The following LRRC40 variants were observed in gnomAD, a reference collection of about 807,000 sequenced individuals.
The protein encoded by LRRC40 is leucine-rich repeat-containing protein 40.
In LRRC40, 76 loss-of-function variants were observed where a neutral mutation model predicts 72.8. The observed-to-expected ratio is 1.04, with a 90% confidence interval of 0.87 to 1.26. The LOEUF (loss-of-function observed/expected upper bound fraction) is 1.26, where lower values mean the gene tolerates loss of function less well. Among genes scored for constraint, LRRC40 ranks in the 50% most tolerant of loss-of-function variants. The probability of loss-of-function intolerance (pLI) is 0.00; values close to 1 mark genes in which losing one functional copy is unlikely to be tolerated. For missense variants in LRRC40, 684 were observed against 698.9 expected (o/e 0.98, Z 0.24); for synonymous variants, 243 against 254.2 (o/e 0.96, Z 0.42).
At chr1:70,171,152 G>A (rs1667991949) in intron 9 of LRRC40, among the ~76,000 whole-genome samples, 1 of 151,992 alleles carries the variant, frequency 6.6e-6, no homozygotes, top group Non-Finnish European at 1.5e-5. Flanking sequence ...GAATATCCAT[G>A]TACAAAACAA....
At chr1:70,180,031 A>G (rs1255547532) in intron 5 of LRRC40, 1 of 152,190 alleles carries the variant, frequency 6.6e-6, no homozygotes, top group East Asian at 1.9e-4. Context: ...AGGTTTTAAA[A>G]TTGAAGAAGG....
chr1:70,159,427 T>C lies in LRRC40; in HGVS notation c.1123A>G (p.Ser375Gly). The C allele has an allele frequency of 2.5e-6, 4 of 1,574,770 alleles. No individual in the cohort carries two copies. The highest frequency in any genetic ancestry group is 3.5e-6 in the Non-Finnish European group (4 of 1,150,350). The change falls in exon 10 of 15, where the codon AGC becomes GGC. Residue 375 changes from serine to glycine, a missense_variant. Transcript: ENST00000370952. ...LRSKIKDDGP[S>G]QSESATETAM... Reference sequence around the variant, plus strand: ...GTCTCAGTAGCAGACTCACTTTGGCTAGGTCCATCATCTGGCAAAAGAAAA... The same window carrying C: ...GTCTCAGTAGCAGACTCACTTTGGCCAGGTCCATCATCTGGCAAAAGAAAA...
chr1:70,148,754 C>G, intron 13 of LRRC40, 82 bp from the exon 14 acceptor site: 1 of 833,632 alleles, frequency 1.2e-6, no homozygotes, highest in Non-Finnish European at 1.8e-6. Flanking sequence ...TTAAATTTGA[C>G]ATGACAGTTT....
intron 9 of LRRC40, among the ~76,000 whole-genome samples, chr1:70,166,724 G>A (rs1571455202): frequency 6.6e-6 from 1 of 151,402 alleles, no homozygotes; most frequent in Non-Finnish European, 1.5e-5. Context: ...CTCAGGCTTT[G>A]AATATTTATA....
At chr1:70,147,548 T>C (rs1667338824) in intron 14 of LRRC40, among the ~76,000 whole-genome samples, 1 of 152,184 alleles carries the variant, frequency 6.6e-6, no homozygotes, top group African/African-American at 2.4e-5. Flanking sequence ...GCTGAAAATG[T>C]TGTGACTAGA....
At chr1:70,202,135 A>G (rs1668754167) in intron 1 of LRRC40, among the ~76,000 whole-genome samples, 1 of 152,216 alleles carries the variant, frequency 6.6e-6, no homozygotes, top group Non-Finnish European at 1.5e-5. Flanking sequence ...GTAGTCTGAC[A>G]GTTTCTTACA....
intron 1 of LRRC40, among the ~76,000 whole-genome samples, chr1:70,199,048 A>G (rs1195384798): frequency 6.6e-6 from 1 of 152,008 alleles, no homozygotes; most frequent in Non-Finnish European, 1.5e-5. Context: ...ACACTCAGGG[A>G]GCTGAGGTGG....
intron 4 of LRRC40, among the ~76,000 whole-genome samples, chr1:70,183,223 T>C (rs1210106586): frequency 6.6e-6 from 1 of 152,148 alleles, no homozygotes; most frequent in Non-Finnish European, 1.5e-5. Flanking sequence ...TTTCTTCCTT[T>C]AATGAAAAGC....
At chr1:70,187,733 A>AG (rs1668396187) in intron 2 of LRRC40, among the ~76,000 whole-genome samples, 1 of 152,008 alleles carries the variant, frequency 6.6e-6, no homozygotes, top group South Asian at 2.1e-4. Context: ...CAGAAGGCTG[A>AG]GGTGGGAAGA....
intron 1 of LRRC40, among the ~76,000 whole-genome samples, chr1:70,200,754 T>C (rs1668719529): frequency 6.6e-6 from 1 of 152,202 alleles, no homozygotes; most frequent in Admixed American, 6.5e-5. Flanking sequence ...CAAAATAGTT[T>C]CATATTTATC....
chr1:70,152,377 A>C, intron 12 of LRRC40, 56 bp downstream of exon 12: 1 of 909,462 alleles, frequency 1.1e-6, no homozygotes, highest in Admixed American at 2.1e-5. Flanking sequence ...AGTTAGACAA[A>C]ACTCAAAGAC....
chr1:70,198,162 C>G (rs1668658001), intron 1 of LRRC40, among the ~76,000 whole-genome samples: 1 of 152,118 alleles, frequency 6.6e-6, no homozygotes, highest in African/African-American at 2.4e-5. Context: ...ATTAGGTGCC[C>G]TAGACCAAAT....
At position 70,159,374 on chromosome 1, in the gene LRRC40, T is replaced by C; in HGVS notation, c.1176A>G (p.Arg392=). 6.3e-7 allele frequency: 1 copy of C among 1,590,920 alleles called. No homozygotes were observed. Among genetic ancestry groups the C allele is most frequent in the Non-Finnish European group, 8.6e-7 (1 of 1,163,220 alleles). ...ETAMTLPSES[R]VNIHAIITLK... ...ATGTAATGATGGCATGTATATTGAC[T>C]CTGGATTCACTTGGTAGTGTCATGG... The change falls in exon 10 of 15, where the codon AGA becomes AGG. Residue 392 remains arginine (R), a synonymous_variant. Coordinates refer to ENST00000370952, the MANE Select transcript of LRRC40 (RefSeq NM_017768.5).
intron 9 of LRRC40, among the ~76,000 whole-genome samples, chr1:70,164,758 G>A (rs1481278137): frequency 1.3e-5 from 2 of 152,084 alleles, no homozygotes; most frequent in African/African-American, 4.8e-5. Context: ...TGTAATGAGT[G>A]TAAGATTTGC....
In LRRC40 at chr1:70,173,693, C is replaced by A; in HGVS notation, c.994G>T (p.Gly332Trp). 6.5e-7 allele frequency: 1 copy of A among 1,541,760 alleles called. No individual in the cohort carries two copies. Residue 332 changes from glycine (G) to tryptophan (W), a missense_variant, in exon 8 of 15, where the codon GGG (glycine) becomes TGG (tryptophan). Physicochemically the swap from Gly to Trp is radical, Grantham distance 184. Transcript: ENST00000370952. ...NDISSLPYSL[G>W]NLHLKFLALE... is the part of the protein sequence containing the mutation. ...GCCAAAAATTTCAAATGAAGGTTCC[C>A]CAATGAATAGGGAAGACTATAAAAG...
At chr1:70,202,795 G>A (rs1343533098) in intron 1 of LRRC40, among the ~76,000 whole-genome samples, 1 of 152,180 alleles carries the variant, frequency 6.6e-6, no homozygotes, top group Non-Finnish European at 1.5e-5. Flanking sequence ...GAGGGTATAT[G>A]AGAATATAAT....
chr1:70,189,323 GA>G, intron 1 of LRRC40, 50 bp from the exon 2 acceptor site: 1 of 1,121,038 alleles, frequency 8.9e-7, no homozygotes, highest in Non-Finnish European at 1.2e-6. Flanking sequence ...AAAAAAAGAT[GA>G]AAACCAGAAC....
At chr1:70,158,474 A>T (rs1041585048) in intron 10 of LRRC40, among the ~76,000 whole-genome samples, 7 of 152,164 alleles carry the variant, frequency 4.6e-5, no homozygotes, top group Admixed American at 3.9e-4. Context: ...TTTTGACAGT[A>T]TTGCTTATGT....
chr1:70,172,036 G>A lies in LRRC40; in HGVS notation c.1111+1429C>T, dbSNP rs141607104. Among the ~76,000 whole-genome samples the A allele has an allele frequency of 4.6e-5, 7 of 152,208 alleles. No homozygotes were observed. The East Asian group carries it at 1.2e-3, about 25-fold the overall frequency. On this transcript the variant is annotated intron_variant, in intron 9 of 14. Coordinates refer to ENST00000370952, the MANE Select transcript of LRRC40 (RefSeq NM_017768.5). ...CCTATGTTGAAATCTAACCACCAAG[G>A]TAACAGTATTAAGAGGTAGGGCCTT...
Sources: allele counts gnomAD v4.1 joint callset (sites outside exome capture counted in the v4.1 genomes callset), GRCh38; gene constraint gnomAD v4.1.1; transcripts MANE v1.5; gene names NCBI Gene and HGNC (gene_info 2026-07-23, HGNC 2026-07-21).